UBE2D2: variants seen among roughly 807,000 people sequenced by gnomAD.
UBE2D2 encodes the protein ubiquitin conjugating enzyme E2 D2.
In UBE2D2, 2 loss-of-function variants were observed where a neutral mutation model predicts 24.2. The observed-to-expected ratio is 0.08, with a 90% confidence interval of 0.03 to 0.26. The LOEUF (loss-of-function observed/expected upper bound fraction) is 0.26, where lower values mean the gene tolerates loss of function less well. Among genes scored for constraint, UBE2D2 ranks in the 10% least tolerant of loss-of-function variants. The probability of loss-of-function intolerance (pLI) is 1.00; values close to 1 mark genes in which losing one functional copy is unlikely to be tolerated. For missense variants in UBE2D2, 44 were observed against 177.6 expected (o/e 0.25, Z 4.28); for synonymous variants, 58 against 56.5 (o/e 1.03, Z -0.12).
chr5:139,584,673 C>CA (rs1753686845), intron 1 of UBE2D2, among the ~76,000 whole-genome samples: 1 of 150,812 alleles, frequency 6.6e-6, no homozygotes, highest in Non-Finnish European at 1.5e-5. Context: ...GCTGGGATTA[C>CA]AGGCATGTGC....
chr5:139,596,014 C>T (rs1753952490), intron 1 of UBE2D2, among the ~76,000 whole-genome samples: 1 of 150,498 alleles, frequency 6.6e-6, no homozygotes, highest in Non-Finnish European at 1.5e-5. Context: ...CTGCCTCAGC[C>T]TCCCGAGTAG....
At chr5:139,562,923 G>A (rs1421465502) in intron 1 of UBE2D2, among the ~76,000 whole-genome samples, 1 of 152,090 alleles carries the variant, frequency 6.6e-6, no homozygotes, top group Admixed American at 6.6e-5. Flanking sequence ...TAAACCGGTA[G>A]CTACTTTTTT....
At chr5:139,596,655 C>G (rs1228161233) in intron 1 of UBE2D2, among the ~76,000 whole-genome samples, 1 of 151,930 alleles carries the variant, frequency 6.6e-6, no homozygotes, top group African/African-American at 2.4e-5. Flanking sequence ...AATTCCAGCA[C>G]TTTGGGAGGC....
upstream of UBE2D2, chr5:139,561,318 G>A (rs1397174412): frequency 2.6e-5 from 4 of 153,204 alleles, no homozygotes; most frequent in Non-Finnish European, 5.8e-5. Flanking sequence ...CCCCTCGGTC[G>A]GGCCCACCCC....
intron 1 of UBE2D2, among the ~76,000 whole-genome samples, chr5:139,548,156 T>C (rs1752856880): frequency 1.2e-4 from 1 of 8,384 alleles, no homozygotes; most frequent in Non-Finnish European, 3.4e-4. Context: ...AGAGCGAGAC[T>C]CCGTCTCAAA....
chr5:139,551,468 G>A (rs1752920648), intron 1 of UBE2D2, among the ~76,000 whole-genome samples: 1 of 152,218 alleles, frequency 6.6e-6, no homozygotes, highest in African/African-American at 2.4e-5. Context: ...TTTGCACTGA[G>A]TGTAGACTGT....
chr5:139,533,217 C>G (rs1374448834), intron 1 of UBE2D2, among the ~76,000 whole-genome samples: 1 of 151,922 alleles, frequency 6.6e-6, no homozygotes, highest in Non-Finnish European at 1.5e-5. Context: ...TGGAGTCTCA[C>G]TCTGTCCCCC....
At chr5:139,564,367 T>A (rs1018755230) in intron 1 of UBE2D2, among the ~76,000 whole-genome samples, 1 of 151,970 alleles carries the variant, frequency 6.6e-6, no homozygotes, top group Non-Finnish European at 1.5e-5. Flanking sequence ...TTGGCCAGGC[T>A]GATTTCTAGT....
chr5:139,583,941 A>G (rs1488866833), intron 1 of UBE2D2, among the ~76,000 whole-genome samples: 1 of 152,210 alleles, frequency 6.6e-6, no homozygotes, highest in Non-Finnish European at 1.5e-5. Context: ...GCCTAGTGAC[A>G]TAGCTCTTGT....
At chr5:139,567,860 G>C (rs1324148269) in intron 1 of UBE2D2, among the ~76,000 whole-genome samples, 1 of 152,120 alleles carries the variant, frequency 6.6e-6, no homozygotes, top group African/African-American at 2.4e-5. Flanking sequence ...GTGAGGTCTT[G>C]GGAAAACCAG....
chr5:139,529,962 C>T (rs1051188297), intron 1 of UBE2D2, among the ~76,000 whole-genome samples: 6 of 152,266 alleles, frequency 3.9e-5, no homozygotes, highest in African/African-American at 1.4e-4. Context: ...CCTACAGACC[C>T]AGTTCCTGAT....
At chr5:139,611,680 C>T (rs1242572317) in intron 2 of UBE2D2, among the ~76,000 whole-genome samples, 1 of 152,178 alleles carries the variant, frequency 6.6e-6, no homozygotes, top group African/African-American at 2.4e-5. Context: ...TAAAATCCAA[C>T]TGCTAGCATT....
At chr5:139,555,873 C>A in intron 1 of UBE2D2, among the ~76,000 whole-genome samples, 1 of 125,072 alleles carries the variant, frequency 8.0e-6, no homozygotes, top group South Asian at 2.8e-4. Context: ...TTGCAGTGAG[C>A]TGAGATCACG....
At chr5:139,614,535 G>C (rs760971245) in intron 2 of UBE2D2, 51 bp from the exon 3 acceptor site, 1 of 1,601,226 alleles carries the variant, frequency 6.2e-7, no homozygotes, top group South Asian at 1.1e-5. Context: ...CTATGGCGTA[G>C]ATACAATGTA....
At chr5:139,598,810 A>G (rs1581520006) in intron 1 of UBE2D2, among the ~76,000 whole-genome samples, 1 of 149,766 alleles carries the variant, frequency 6.7e-6, no homozygotes, top group Non-Finnish European at 1.5e-5. Flanking sequence ...GATTGGCGCC[A>G]CCTTGGCCTC....
chr5:139,568,521 G>A (rs969737180), intron 1 of UBE2D2, among the ~76,000 whole-genome samples: 1 of 152,000 alleles, frequency 6.6e-6, no homozygotes, highest in African/African-American at 2.4e-5. Context: ...TAGTCAGTGT[G>A]GTGGCAGGTG....
intron 1 of UBE2D2, among the ~76,000 whole-genome samples, chr5:139,574,989 CAG>C (rs1427615567): frequency 4.6e-5 from 7 of 152,272 alleles, no homozygotes; most frequent in East Asian, 1.9e-4. Context: ...AGAAACAACT[CAG>C]ATATCCATCA....
intron 2 of UBE2D2, among the ~76,000 whole-genome samples, chr5:139,609,428 T>C (rs1381900227): frequency 1.3e-5 from 2 of 151,884 alleles, no homozygotes; most frequent in Non-Finnish European, 2.9e-5. Context: ...TGGAGTGCAA[T>C]GGCACGATCT....
At chr5:139,610,445 G>T (rs1343989471) in intron 2 of UBE2D2, among the ~76,000 whole-genome samples, 1 of 152,086 alleles carries the variant, frequency 6.6e-6, no homozygotes, top group Non-Finnish European at 1.5e-5. Flanking sequence ...GGAGGCTGAG[G>T]CAGGAGAATT....
Sources: allele counts gnomAD v4.1 joint callset (sites outside exome capture counted in the v4.1 genomes callset), GRCh38; gene constraint gnomAD v4.1.1; transcripts MANE v1.5; gene names NCBI Gene and HGNC (gene_info 2026-07-23, HGNC 2026-07-21).